EFR3A: variants seen among roughly 807,000 people sequenced by gnomAD.
EFR3A encodes the protein EFR3 homolog A, also known as protein EFR3 homolog A.
Under a neutral mutation model 104.4 loss-of-function variants are expected in EFR3A, and 76 were observed. The ratio of observed to expected loss-of-function variants is 0.73; its 90% CI spans 0.60 to 0.88. The LOEUF is 0.88. Ranked by LOEUF, EFR3A falls within the 40% of genes least tolerant of loss-of-function variation. EFR3A has a pLI of 0.00. For missense variants in EFR3A, 985 were observed against 1,012.5 expected, an observed-to-expected ratio of 0.97 and a Z score of 0.37; for synonymous variants, 330 against 330.0, an observed-to-expected ratio of 1.00 and a Z score of 0.00.
intron 12 of EFR3A, among the ~76,000 whole-genome samples, chr8:131,977,655 C>T (rs1306300447): frequency 6.6e-6 from 1 of 152,288 alleles, no homozygotes; most frequent in East Asian, 1.9e-4. Context: ...TATGCGTCCT[C>T]TCAAAATCAG....
chr8:131,993,906 G>T (rs963099380), intron 18 of EFR3A, among the ~76,000 whole-genome samples: 1 of 152,058 alleles, frequency 6.6e-6, no homozygotes, highest in Non-Finnish European at 1.5e-5. Flanking sequence ...ACATAGAGGG[G>T]AACAATGCAC....
At chr8:131,907,146 A>G (rs918069658) in intron 1 of EFR3A, among the ~76,000 whole-genome samples, 7 of 152,206 alleles carry the variant, frequency 4.6e-5, no homozygotes, top group Non-Finnish European at 2.9e-5. Flanking sequence ...CCCTTGAGTT[A>G]CATTAAGACA....
chr8:131,924,711 G>T (rs1387156946), intron 1 of EFR3A, among the ~76,000 whole-genome samples: 1 of 152,040 alleles, frequency 6.6e-6, no homozygotes, highest in East Asian at 1.9e-4. Context: ...GGAGAAACTT[G>T]TCCTAATCAG....
In EFR3A at chr8:131,953,921, G is replaced by C; in HGVS notation, c.592G>C (p.Val198Leu). 1 of 1,570,446 alleles carries C rather than the reference G, an allele frequency of 6.4e-7. No homozygotes were observed. The highest frequency in any genetic ancestry group is 8.6e-7 in the Non-Finnish European group (1 of 1,156,782). The change falls in exon 6 of 23, where the codon GTT becomes CTT. Residue 198 changes from valine (V) to leucine (L), a missense_variant. By Grantham distance (32) the Val-to-Leu change is conservative. Coordinates refer to ENST00000254624, the MANE Select transcript of EFR3A (RefSeq NM_015137.6). ...GGAACCTCAGCATATGGATAAGATT[G>C]TTCCATCCCTCCTGTTTAACATGCA... ...IWEPQHMDKI[V>L]PSLLFNMQKI...
rs117191695 is a variant in EFR3A at position 132,011,493 on chromosome 8, G to A, written c.*598G>A. ...GGACATCTGTTGAATAGCATTCCTC[G>A]AATATAACCCTAAAAACGCCATACT... On this transcript the variant is annotated 3_prime_UTR_variant, in exon 23 of 23. Transcript: ENST00000254624. 19 of 894,530 alleles carry A rather than the reference G, an allele frequency of 2.1e-5. No individual in the cohort carries two copies. Among genetic ancestry groups the A allele is most frequent in the East Asian group, 1.2e-4 (1 of 8,358 alleles). The allele number at this position is 894,530 out of a possible 1,614,324, so 55.4% of individuals were successfully genotyped here. A position where few individuals can be genotyped will look rare whatever the true frequency, so the allele number is the denominator to read the frequency against.
intron 14 of EFR3A, among the ~76,000 whole-genome samples, chr8:131,983,104 A>G (rs966063977): frequency 6.6e-6 from 1 of 152,202 alleles, no homozygotes; most frequent in Non-Finnish European, 1.5e-5. Context: ...TACTGGCTTC[A>G]GAAGAGTCTG....
intron 5 of EFR3A, among the ~76,000 whole-genome samples, chr8:131,951,742 A>G (rs892932727): frequency 1.3e-5 from 2 of 152,158 alleles, no homozygotes; most frequent in South Asian, 2.1e-4. Context: ...TGCTAACTCT[A>G]GGTCTTTCCA....
intron 1 of EFR3A, among the ~76,000 whole-genome samples, chr8:131,926,890 A>G (rs914151498): frequency 1.4e-4 from 22 of 152,196 alleles, no homozygotes; most frequent in African/African-American, 5.1e-4. Flanking sequence ...AACTGATTGC[A>G]ACTTATAAAA....
chr8:131,960,322 G>A lies in EFR3A; in HGVS notation c.855+659G>A, dbSNP rs117971499. Among the ~76,000 whole-genome samples the A allele has an allele frequency of 6.0e-3, 910 of 151,864 alleles. 6 individuals carry two copies. Among genetic ancestry groups the A allele is most frequent in the Non-Finnish European group, 0.01 (697 of 67,958 alleles). Reference sequence around the variant, plus strand: ...GCAGATCCTAAATCTATTATTTGTCGGATTCAAAACCCCACGTATATGGGG... The same window carrying A: ...GCAGATCCTAAATCTATTATTTGTCAGATTCAAAACCCCACGTATATGGGG... On this transcript the variant is annotated intron_variant, in intron 8 of 22. Coordinates refer to ENST00000254624, the MANE Select transcript of EFR3A (RefSeq NM_015137.6).
At chr8:131,935,361 T>C (rs1284003273) in intron 1 of EFR3A, 2 of 248,292 alleles carry the variant, frequency 8.1e-6, no homozygotes, top group Non-Finnish European at 1.7e-5. Context: ...ACATGGGCTT[T>C]GCATTTGAGG....
intron 9 of EFR3A, among the ~76,000 whole-genome samples, chr8:131,969,174 C>A (rs10505583): frequency 6.6e-6 from 1 of 151,938 alleles, no homozygotes; most frequent in Non-Finnish European, 1.5e-5. Flanking sequence ...TCAAAAATTA[C>A]GATATTTTAC....
intron 14 of EFR3A, among the ~76,000 whole-genome samples, chr8:131,981,209 C>T (rs987566101): frequency 6.6e-6 from 1 of 151,872 alleles, no homozygotes; most frequent in African/African-American, 2.4e-5. Flanking sequence ...CAGTCATGAA[C>T]ATTGAGACTG....
chr8:131,963,133 T>C (rs1294264466), intron 8 of EFR3A, among the ~76,000 whole-genome samples: 1 of 152,230 alleles, frequency 6.6e-6, no homozygotes, highest in East Asian at 1.9e-4. Context: ...ATCTAAAAAT[T>C]GACACCCTAA....
chr8:131,974,383 GA>G (rs1419359144), intron 10 of EFR3A, among the ~76,000 whole-genome samples: 1 of 152,234 alleles, frequency 6.6e-6, no homozygotes, highest in Non-Finnish European at 1.5e-5. Context: ...GTGGTAAAGA[GA>G]AGTGCAGGGT....
At chr8:131,971,739 G>A (rs1271906973) in intron 10 of EFR3A, among the ~76,000 whole-genome samples, 3 of 151,524 alleles carry the variant, frequency 2.0e-5, no homozygotes, top group African/African-American at 7.3e-5. Context: ...TACTACATAC[G>A]TGATATGTTC....
rs771415959 is a variant in EFR3A, at chr8:131,955,747, T to A, written c.639-21T>A. 1.9e-6 allele frequency: 3 copies of A among 1,591,966 alleles called. No homozygotes were observed. The Admixed American group carries it at 5.4e-5, about 29-fold the overall frequency. ...GATATTAAAATTCTTGTGTTTTTCT[T>A]TATTTCTCGTTCCTTTTTAGTCGCA... On this transcript the variant is annotated intron_variant, in intron 6 of 22. Coordinates refer to ENST00000254624, the MANE Select transcript of EFR3A (RefSeq NM_015137.6).
At chr8:131,935,598 G>A (rs1817841552) in intron 1 of EFR3A, 1 of 382,534 alleles carries the variant, frequency 2.6e-6, no homozygotes, top group Non-Finnish European at 5.2e-6. Flanking sequence ...AGAAGGTGTA[G>A]ATACTATTAT....
intron 1 of EFR3A, among the ~76,000 whole-genome samples, chr8:131,907,330 G>T (rs1218867836): frequency 6.6e-6 from 1 of 152,160 alleles, no homozygotes; most frequent in Non-Finnish European, 1.5e-5. Context: ...TGTGAAAATG[G>T]CTCCTGAGTT....
chr8:131,946,678 A>G (rs975904176), intron 4 of EFR3A, 45 bp downstream of exon 4: 3 of 1,445,748 alleles, frequency 2.1e-6, no homozygotes, highest in African/African-American at 1.5e-5. Context: ...TAATTAGCAT[A>G]TCTAGAATTA....
Sources: allele counts gnomAD v4.1 joint callset (sites outside exome capture counted in the v4.1 genomes callset), GRCh38; gene constraint gnomAD v4.1.1; transcripts MANE v1.5; gene names NCBI Gene and HGNC (gene_info 2026-07-23, HGNC 2026-07-21).